CNTNAP2: variants seen among roughly 807,000 people sequenced by gnomAD.
CNTNAP2 encodes contactin associated protein 2.
CNTNAP2 carries 98 observed loss-of-function variants against 155.2 expected under a neutral mutation model. The ratio of observed to expected loss-of-function variants is 0.63; its 90% CI spans 0.54 to 0.75. The LOEUF is 0.75. Among genes scored for constraint, CNTNAP2 ranks in the 30% least tolerant of loss-of-function variants. The probability of loss-of-function intolerance (pLI) is 0.00; values close to 1 mark genes in which losing one functional copy is unlikely to be tolerated. For synonymous variants in CNTNAP2, 651 were observed against 631.2 expected (o/e 1.03, Z -0.47); for missense variants, 1,727 against 1,688.1 (o/e 1.02, Z -0.40).
intron 13 of CNTNAP2, among the ~76,000 whole-genome samples, chr7:147,667,694 C>CCCTCCAAA (rs1188577989): frequency 6.6e-6 from 1 of 152,026 alleles, no homozygotes; most frequent in East Asian, 1.9e-4. Context: ...TAATGTTTTT[C>CCCTCCAAA]CCTCCAAACA....
At chr7:146,943,576 C>T (rs1797098857) in intron 3 of CNTNAP2, among the ~76,000 whole-genome samples, 1 of 152,234 alleles carries the variant, frequency 6.6e-6, no homozygotes, top group Non-Finnish European at 1.5e-5. Context: ...CTCTAAGTTA[C>T]ATCATCTGTT....
At chr7:147,025,225 T>G (rs62483993) in intron 3 of CNTNAP2, among the ~76,000 whole-genome samples, 15,408 of 138,884 alleles carry the variant, frequency 0.11, 950 homozygotes, top group Middle Eastern at 0.15. Context: ...AGCGGATGTT[T>G]CAGTAAGCCG....
intron 15 of CNTNAP2, among the ~76,000 whole-genome samples, chr7:148,106,493 G>GAGAGAGATAGATATATATAT (rs1554472856): frequency 1.6e-5 from 2 of 124,912 alleles, no homozygotes; most frequent in African/African-American, 6.9e-5. Flanking sequence ...CACACTTTGA[G>GAGAGAGATAGATATATATAT]ATATATATAT....
intron 17 of CNTNAP2, among the ~76,000 whole-genome samples, chr7:148,152,604 A>G (rs1805316840): frequency 1.3e-5 from 2 of 152,212 alleles, no homozygotes. Flanking sequence ...ACATTTTAAC[A>G]GAGTTCAGGC....
intron 10 of CNTNAP2, among the ~76,000 whole-genome samples, chr7:147,414,689 C>A (rs1049499708): frequency 2.6e-5 from 4 of 151,800 alleles, no homozygotes; most frequent in Non-Finnish European, 5.9e-5. Flanking sequence ...CGCCTGTAAT[C>A]CCAGCACTTT....
chr7:146,886,042 C>T (rs1304563962), intron 3 of CNTNAP2, among the ~76,000 whole-genome samples: 28 of 150,756 alleles, frequency 1.9e-4, no homozygotes, highest in South Asian at 4.2e-4. Context: ...TACTCTAAAA[C>T]GATTCCTTGT....
chr7:147,579,102 T>C (rs1357015617), intron 12 of CNTNAP2, among the ~76,000 whole-genome samples: 1 of 152,100 alleles, frequency 6.6e-6, no homozygotes, highest in Non-Finnish European at 1.5e-5. Context: ...TTCCTAATTC[T>C]GGTCATTATG....
chr7:147,644,149 A>G (rs986574862), intron 13 of CNTNAP2, among the ~76,000 whole-genome samples: 47 of 152,350 alleles, frequency 3.1e-4, no homozygotes, highest in African/African-American at 1.1e-3. Context: ...GAGGCATACC[A>G]ATTTGGGAAT....
At chr7:148,371,927 G>A (rs1409475001) in intron 21 of CNTNAP2, among the ~76,000 whole-genome samples, 2 of 146,986 alleles carry the variant, frequency 1.4e-5, no homozygotes, top group South Asian at 4.3e-4. Context: ...TTGGCTGGGC[G>A]TGGTGGCTCA....
chr7:148,074,438 C>A (rs924420035), intron 15 of CNTNAP2, among the ~76,000 whole-genome samples: 2 of 152,152 alleles, frequency 1.3e-5, no homozygotes, highest in Non-Finnish European at 2.9e-5. Flanking sequence ...CACCTGTAAT[C>A]CCAGCACTTT....
At chr7:146,162,177 TA>T in intron 1 of CNTNAP2, among the ~76,000 whole-genome samples, 1 of 152,200 alleles carries the variant, frequency 6.6e-6, no homozygotes, top group East Asian at 1.9e-4. Context: ...CTAATTAAAC[TA>T]AAGAGCTTCT....
intron 10 of CNTNAP2, among the ~76,000 whole-genome samples, chr7:147,402,279 G>A (rs1185545938): frequency 6.6e-6 from 1 of 152,096 alleles, no homozygotes; most frequent in African/African-American, 2.4e-5. Context: ...CCACAGGGGT[G>A]GGATCTGTCC....
chr7:146,988,114 A>G (rs995583584), intron 3 of CNTNAP2, among the ~76,000 whole-genome samples: 9 of 152,232 alleles, frequency 5.9e-5, no homozygotes, highest in Non-Finnish European at 1.2e-4. Flanking sequence ...ATGAATTAAT[A>G]TATTTCCTTT....
At chr7:147,697,484 T>C (rs1183699187) in intron 13 of CNTNAP2, among the ~76,000 whole-genome samples, 1 of 152,136 alleles carries the variant, frequency 6.6e-6, no homozygotes, top group African/African-American at 2.4e-5. Context: ...TCAACATCCC[T>C]ACCATATCTG....
intron 1 of CNTNAP2, among the ~76,000 whole-genome samples, chr7:146,278,544 T>A (rs1195399446): frequency 6.6e-6 from 1 of 152,182 alleles, no homozygotes; most frequent in African/African-American, 2.4e-5. Context: ...ATTTAGTCCC[T>A]TTGGTTGTAA....
At chr7:147,430,271 G>T (rs530102790) in intron 10 of CNTNAP2, among the ~76,000 whole-genome samples, 1 of 152,300 alleles carries the variant, frequency 6.6e-6, no homozygotes, top group South Asian at 2.1e-4. Context: ...TGCCTTCTAT[G>T]AGGTCACAGC....
intron 21 of CNTNAP2, among the ~76,000 whole-genome samples, chr7:148,296,633 G>A (rs998854102): frequency 6.6e-6 from 1 of 151,270 alleles, no homozygotes; most frequent in South Asian, 2.1e-4. Flanking sequence ...TGAGAAAGCA[G>A]GTATTTGTTT....
chr7:147,285,986 G>A (rs550096887), intron 8 of CNTNAP2, among the ~76,000 whole-genome samples: 17 of 151,948 alleles, frequency 1.1e-4, no homozygotes, highest in South Asian at 4.2e-4. Context: ...ATAGAGAAGC[G>A]TTTTCTAGAA....
At chr7:146,996,335 C>T (rs1295965351) in intron 3 of CNTNAP2, among the ~76,000 whole-genome samples, 1 of 152,008 alleles carries the variant, frequency 6.6e-6, no homozygotes, top group Non-Finnish European at 1.5e-5. Flanking sequence ...AATATTACTA[C>T]TTTCAATCTA....
Sources: gnomAD v4.1 joint callset for allele counts (sites outside exome capture counted in the v4.1 genomes callset) on GRCh38, gnomAD v4.1.1 for gene constraint, MANE v1.5 for transcripts, NCBI Gene and HGNC (gene_info 2026-07-23, HGNC 2026-07-21) for gene names.